Variants in CYP19A1 observed in about 807,000 individuals in gnomAD.
CYP19A1 encodes the protein cytochrome P450 family 19 subfamily A member 1.
Under a neutral mutation model 44.4 loss-of-function variants are expected in CYP19A1, and 32 were observed. The ratio of observed to expected loss-of-function variants is 0.72; its 90% CI spans 0.54 to 0.97. The LOEUF (loss-of-function observed/expected upper bound fraction) is 0.97. Ranked by LOEUF, CYP19A1 falls within the 50% of genes least tolerant of loss-of-function variation. CYP19A1 has a pLI of 0.00. For synonymous variants in CYP19A1, 212 were observed against 215.6 expected (o/e 0.98, Z 0.14); for missense variants, 598 against 637.8 (o/e 0.94, Z 0.67).
At chr15:51,275,120 C>G (rs896788207) in intron 1 of CYP19A1, among the ~76,000 whole-genome samples, 1 of 152,196 alleles carries the variant, frequency 6.6e-6, no homozygotes, top group African/African-American at 2.4e-5. Flanking sequence ...GAGGGGACAT[C>G]CAGGAAGCCC....
intron 2 of CYP19A1, among the ~76,000 whole-genome samples, chr15:51,237,434 G>C (rs997485422): frequency 6.6e-6 from 1 of 152,128 alleles, no homozygotes; most frequent in African/African-American, 2.4e-5. Flanking sequence ...GGAAACTTTT[G>C]GTTTGAGTGC....
Position 51,268,683 on chromosome 15 carries a change from C to T in CYP19A1, c.-38-25733G>A, listed in dbSNP as rs111965276. Among the ~76,000 whole-genome samples, 906 of 152,222 alleles carry T rather than the reference C, an allele frequency of 6.0e-3. 16 individuals carry two copies. Among genetic ancestry groups the T allele is most frequent in the African/African-American group, 0.021 (874 of 41,538 alleles). On this transcript the variant is annotated intron_variant, in intron 1 of 9. Transcript: ENST00000396402. ...TTTAAGAAACTGCCAAATTATCTTC[C>T]GAGGTTCCACTGCATTCCCATCAGC... is the stretch of plus-strand genomic sequence containing the variant.
intron 1 of CYP19A1, among the ~76,000 whole-genome samples, chr15:51,278,748 A>G (rs902301735): frequency 1.3e-5 from 2 of 152,108 alleles, no homozygotes; most frequent in Non-Finnish European, 2.9e-5. Context: ...TCTCTCCTGT[A>G]CTGAGATATG....
At position 51,242,759 on chromosome 15, in the gene CYP19A1, C is replaced by T. The variant is rs1455214057; in HGVS notation, c.145+9G>A. 1 of 1,513,188 alleles carries T rather than the reference C, an allele frequency of 6.6e-7. No individual in the cohort carries two copies. The allele number at this position is 1,513,188 out of a possible 1,614,324, so 93.7% of individuals were successfully genotyped here. On this transcript the variant is annotated intron_variant, in intron 2 of 9. Transcript: ENST00000396402. Reference sequence around the variant, plus strand: ...TCTCCTTAGATACAGAAATAAATGACTGACTTACCTGGTATTGAGGATGTG... The same window carrying T: ...TCTCCTTAGATACAGAAATAAATGATTGACTTACCTGGTATTGAGGATGTG...
intron 1 of CYP19A1, among the ~76,000 whole-genome samples, chr15:51,269,487 C>CT (rs937099126): frequency 4.7e-4 from 70 of 148,682 alleles, no homozygotes; most frequent in African/African-American, 1.1e-3. Context: ...CAACTTGGTT[C>CT]TTTTTTTTTT....
intron 1 of CYP19A1, among the ~76,000 whole-genome samples, chr15:51,244,710 C>T (rs1348481438): frequency 6.6e-6 from 1 of 152,056 alleles, no homozygotes; most frequent in Non-Finnish European, 1.5e-5. Context: ...GTGGTTGCAA[C>T]AAAAAGGATG....
intron 1 of CYP19A1, among the ~76,000 whole-genome samples, chr15:51,296,004 C>G (rs943091133): frequency 6.6e-6 from 1 of 152,156 alleles, no homozygotes; most frequent in Admixed American, 6.5e-5. Flanking sequence ...TCCTGGATTT[C>G]CAGAAGCTGC....
chr15:51,304,270 A>G (rs535474784), intron 1 of CYP19A1, among the ~76,000 whole-genome samples: 4 of 152,308 alleles, frequency 2.6e-5, no homozygotes, highest in Non-Finnish European at 5.9e-5. Flanking sequence ...CTAAATTTGC[A>G]CAAGTGATAC....
chr15:51,217,892 A>G (rs1034459774), intron 6 of CYP19A1, among the ~76,000 whole-genome samples: 1 of 152,182 alleles, frequency 6.6e-6, no homozygotes, highest in Non-Finnish European at 1.5e-5. Context: ...TAGAGGTAGC[A>G]GTGTTTAGTG....
intron 3 of CYP19A1, among the ~76,000 whole-genome samples, chr15:51,233,388 TGA>T (rs953772091): frequency 2.0e-5 from 3 of 152,230 alleles, no homozygotes; most frequent in African/African-American, 7.2e-5. Flanking sequence ...GTTGACCTAG[TGA>T]CGACATATTG....
intron 1 of CYP19A1, among the ~76,000 whole-genome samples, chr15:51,332,510 G>T (rs1314108971): frequency 6.6e-6 from 1 of 152,096 alleles, no homozygotes; most frequent in African/African-American, 2.4e-5. Context: ...ATTATTATCT[G>T]TCTGAATTTA....
intron 3 of CYP19A1, among the ~76,000 whole-genome samples, chr15:51,232,153 A>C (rs2033085139): frequency 6.6e-6 from 1 of 152,144 alleles, no homozygotes; most frequent in Non-Finnish European, 1.5e-5. Context: ...ACTCCTTGGA[A>C]GACTTGTCTA....
intron 1 of CYP19A1, among the ~76,000 whole-genome samples, chr15:51,254,400 G>T (rs1053154779): frequency 6.6e-6 from 1 of 152,178 alleles, no homozygotes; most frequent in Non-Finnish European, 1.5e-5. Context: ...TTGATTGAAG[G>T]ATTGGCCCCA....
intron 1 of CYP19A1, among the ~76,000 whole-genome samples, chr15:51,271,913 A>G (rs187465988): frequency 1.2e-4 from 18 of 152,402 alleles, no homozygotes; most frequent in Middle Eastern, 6.8e-3. Context: ...TTGCATCAGC[A>G]GATTTTGTAC....
intron 6 of CYP19A1, among the ~76,000 whole-genome samples, chr15:51,217,546 T>C (rs1475159066): frequency 1.3e-5 from 2 of 152,228 alleles, no homozygotes; most frequent in African/African-American, 2.4e-5. Context: ...AGTCGGCTTC[T>C]TCTCTAGAAA....
intron 1 of CYP19A1, chr15:51,320,295 G>A (rs929899545): frequency 6.6e-6 from 1 of 152,466 alleles, no homozygotes; most frequent in African/African-American, 2.4e-5. Context: ...AGGAAAACCA[G>A]CCAAGCTCCT....
At chr15:51,251,044 G>A (rs1015630492) in intron 1 of CYP19A1, among the ~76,000 whole-genome samples, 1 of 152,194 alleles carries the variant, frequency 6.6e-6, no homozygotes. Flanking sequence ...AGCTGAGTAC[G>A]AGTCTCAGAG....
intron 1 of CYP19A1, chr15:51,318,704 C>T (rs925496891): frequency 7.2e-5 from 11 of 152,212 alleles, no homozygotes; most frequent in African/African-American, 2.2e-4. Context: ...GGGCTGTTTC[C>T]TGGGATCAAG....
chr15:51,326,605 G>C (rs572050667), intron 1 of CYP19A1, among the ~76,000 whole-genome samples: 80 of 152,296 alleles, frequency 5.3e-4, no homozygotes, highest in African/African-American at 1.7e-3. Context: ...ACATAGTGGT[G>C]TCCTTGAAAC....
Sources: allele counts gnomAD v4.1 joint callset (sites outside exome capture counted in the v4.1 genomes callset), GRCh38; gene constraint gnomAD v4.1.1; transcripts MANE v1.5; gene names NCBI Gene and HGNC (gene_info 2026-07-23, HGNC 2026-07-21).